Variants in FLNB observed in about 807,000 individuals in gnomAD.
FLNB encodes filamin B.
A neutral mutation model predicts 250.6 loss-of-function variants in FLNB; 111 were observed. The observed-to-expected ratio is 0.44, with a 90% CI of 0.38 to 0.52. FLNB has a LOEUF of 0.52. Among genes scored for constraint, FLNB ranks in the 20% least tolerant of loss-of-function variants. The probability of loss-of-function intolerance (pLI) is 0.00; values close to 1 mark genes in which losing one functional copy is unlikely to be tolerated. For synonymous variants in FLNB, 1,302 were observed against 1,372.1 expected (o/e 0.95, Z 1.13); for missense variants, 2,869 against 3,447.8 (o/e 0.83, Z 4.20).
intron 4 of FLNB, among the ~76,000 whole-genome samples, chr3:58,092,819 C>T (rs772524770): frequency 6.6e-6 from 1 of 152,192 alleles, no homozygotes; most frequent in Non-Finnish European, 1.5e-5. Flanking sequence ...CTCATCTTCT[C>T]TACTACTCCT....
At chr3:58,130,449 G>A (rs935222957) in intron 24 of FLNB, among the ~76,000 whole-genome samples, 2 of 152,246 alleles carry the variant, frequency 1.3e-5, no homozygotes, top group Admixed American at 6.5e-5. Context: ...ATGTTATGTA[G>A]GATGTTAGAG....
At chr3:58,159,751 G>A (rs762337666) in intron 42 of FLNB, 65 bp downstream of exon 42, 4 of 1,570,528 alleles carry the variant, frequency 2.5e-6, no homozygotes, top group African/African-American at 1.3e-5. Flanking sequence ...TCCTGTAAAT[G>A]TGTGTCCCAA....
At chr3:58,157,903 G>C (rs915532386) in intron 41 of FLNB, among the ~76,000 whole-genome samples, 1 of 152,258 alleles carries the variant, frequency 6.6e-6, no homozygotes, top group Non-Finnish European at 1.5e-5. Context: ...TTTGTAACCA[G>C]CTGCTGCCGC....
intron 9 of FLNB, 111 bp downstream of exon 9, chr3:58,102,451 T>A (rs2097252657): frequency 1.6e-6 from 2 of 1,264,966 alleles, no homozygotes; most frequent in Admixed American, 3.4e-5. Flanking sequence ...CAGAAGGCTA[T>A]GTCAAGGATT....
rs2097328620 is a variant in FLNB, at chr3:58,142,416, TA to T, written c.5182-233del. Among the ~76,000 whole-genome samples the T allele has an allele frequency of 6.6e-6, 1 of 152,240 alleles. No individual in the cohort carries two copies. Among genetic ancestry groups the T allele is most frequent in the Admixed American group, 6.5e-5 (1 of 15,284 alleles). On this transcript the variant is annotated intron_variant, in intron 30 of 45. Transcript: ENST00000295956. This position sits in a 1 kb window ranked among gnomAD's most constrained non-coding sequence, Gnocchi z 4.3. Reference sequence around the variant, plus strand: ...TTCCCGTGGGTGCTGCTGGGAATTTTACAAACAGACTCCCGAGTGATTGCTA... The same window carrying T: ...TTCCCGTGGGTGCTGCTGGGAATTTTCAAACAGACTCCCGAGTGATTGCTA...
intron 1 of FLNB, among the ~76,000 whole-genome samples, chr3:58,014,249 C>T (rs1164122134): frequency 3.9e-5 from 6 of 152,228 alleles, no homozygotes; most frequent in African/African-American, 1.4e-4. Flanking sequence ...GTTGATCCTA[C>T]TTGCTAAAAT....
rs148506076 is a variant in FLNB, at chr3:58,124,374, G to T, written c.3767G>T (p.Arg1256Leu). 1 of 1,614,166 alleles carries T rather than the reference G, an allele frequency of 6.2e-7. No homozygotes were observed. The highest frequency in any genetic ancestry group is 1.1e-5 in the South Asian group (1 of 91,070). Reference protein sequence around the residue: ...EATTDFTVDSRPLTQVGGDHI... With the variant: ...EATTDFTVDSLPLTQVGGDHI... ...ACCACCGACTTTACAGTTGACTCTC[G>T]GCCGCTGACCCAGGTTGGGGGTGAC... The change falls in exon 22 of 46, where the codon CGG (arginine) becomes CTG (leucine). Residue 1256 changes from arginine to leucine, a missense_variant. Arg to Leu is a moderately radical substitution (Grantham distance 102). Transcript: ENST00000295956.
chr3:58,095,229 G>GTATGTATGTATTTATTTATT (rs140031981), intron 5 of FLNB, among the ~76,000 whole-genome samples: 44 of 147,814 alleles, frequency 3.0e-4, no homozygotes, highest in East Asian at 2.2e-3. Context: ...GTTTATGTAT[G>GTATGTATGTATTTATTTATT]TATTTATTTA....
intron 1 of FLNB, among the ~76,000 whole-genome samples, chr3:58,051,903 A>G (rs967527548): frequency 1.3e-5 from 2 of 152,030 alleles, no homozygotes; most frequent in African/African-American, 2.4e-5. Flanking sequence ...TTATTTATTT[A>G]GAGATACAGT....
At chr3:58,102,151 G>A (rs2097252153) in intron 8 of FLNB, 52 bp from the exon 9 acceptor site, 12 of 1,611,080 alleles carry the variant, frequency 7.4e-6, no homozygotes, top group Admixed American at 5.0e-5. Context: ...TGGCTTTCAC[G>A]ACTCTGACTA....
At chr3:58,154,710 A>G in intron 39 of FLNB, 81 bp from the exon 40 acceptor site, 1 of 1,416,882 alleles carries the variant, frequency 7.1e-7, no homozygotes, top group Non-Finnish European at 1.0e-6. Flanking sequence ...GAAACCTAGC[A>G]CTGCAGGTTT....
At chr3:58,054,717 C>G (rs937034574) in intron 1 of FLNB, among the ~76,000 whole-genome samples, 2 of 152,136 alleles carry the variant, frequency 1.3e-5, no homozygotes, top group African/African-American at 4.8e-5. Context: ...ATTATGGGAA[C>G]TACAATTTAA....
intron 20 of FLNB, among the ~76,000 whole-genome samples, chr3:58,121,750 TCA>T (rs2097289105): frequency 6.6e-6 from 1 of 152,196 alleles, no homozygotes; most frequent in South Asian, 2.1e-4. Context: ...GTTAGCATAA[TCA>T]CAGTCCTCAC....
intron 1 of FLNB, among the ~76,000 whole-genome samples, chr3:58,048,049 T>A (rs1330170063): frequency 1.3e-5 from 2 of 152,120 alleles, no homozygotes; most frequent in African/African-American, 4.8e-5. Flanking sequence ...ACCGATACAG[T>A]AATAACATCT....
chr3:58,168,475 G>A lies in FLNB; in HGVS notation c.7234G>A (p.Ala2412Thr), dbSNP rs1436226210. The change falls in exon 44 of 46, where the codon GCA becomes ACA. Residue 2412 changes from alanine (A) to threonine (T), a missense_variant. Transcript: ENST00000295956. ...QSEFFINTTR[A>T]GPGTLSVTIE... ...GGAATTCTTTATTAACACCACCCGA[G>A]CAGGTCCAGGGACATTATCCGTCAC... 3 of 1,614,004 alleles carry A rather than the reference G, an allele frequency of 1.9e-6. No individual in the cohort carries two copies. In the African/African-American group the frequency reaches 4.0e-5, roughly 22 times the overall value.
chr3:58,155,513 G>C (rs2362909), intron 40 of FLNB, among the ~76,000 whole-genome samples: 8,461 of 152,230 alleles, frequency 0.056, 334 homozygotes, highest in Non-Finnish European at 0.083. Context: ...TGTCATCAAA[G>C]TGACAAAGTA....
chr3:58,025,388 C>G (rs1369750882), intron 1 of FLNB, among the ~76,000 whole-genome samples: 1 of 152,088 alleles, frequency 6.6e-6, no homozygotes, highest in African/African-American at 2.4e-5. Context: ...CCTCAGCCTC[C>G]CAAATTGCTG....
chr3:58,154,416 G>A (rs1413427445), intron 39 of FLNB, among the ~76,000 whole-genome samples: 2 of 152,134 alleles, frequency 1.3e-5, no homozygotes, highest in South Asian at 2.1e-4. Context: ...ATGGCGGCAT[G>A]AGCCTGTAGT....
At chr3:58,143,990 G>A (rs1195399970) in intron 32 of FLNB, among the ~76,000 whole-genome samples, 2 of 152,016 alleles carry the variant, frequency 1.3e-5, no homozygotes, top group African/African-American at 4.8e-5. Flanking sequence ...TGGAAGAAGA[G>A]GACCAGCAGC....
Sources: allele counts gnomAD v4.1 joint callset (sites outside exome capture counted in the v4.1 genomes callset), GRCh38; gene constraint gnomAD v4.1.1; non-coding constraint Gnocchi (gnomAD v3.1); transcripts MANE v1.5; gene names NCBI Gene and HGNC (gene_info 2026-07-23, HGNC 2026-07-21).